Variants in TENM4 observed in about 807,000 individuals in gnomAD.
The protein encoded by TENM4 is teneurin-4.
In TENM4, 82 loss-of-function variants were observed where a neutral mutation model predicts 243.3. The ratio of observed to expected loss-of-function variants is 0.34; its 90% confidence interval spans 0.28 to 0.40. The LOEUF (loss-of-function observed/expected upper bound fraction) is 0.40. Among genes scored for constraint, TENM4 ranks in the 10% least tolerant of loss-of-function variants. The probability of loss-of-function intolerance (pLI) is 1.00; values close to 1 mark genes in which losing one functional copy is unlikely to be tolerated. For synonymous variants in TENM4, 1,412 were observed against 1,456.3 expected (o/e 0.97, Z 0.69); for missense variants, 3,138 against 3,673.3 (o/e 0.85, Z 3.77).
rs556867755 is a variant in TENM4, at chr11:79,294,189, A to G, written c.-265+3299T>C. Reference sequence around the variant, plus strand: ...CATTATCATTACTGACATCATTACTACTACTACTGCTGCTACAATTACAGC... The same window carrying G: ...CATTATCATTACTGACATCATTACTGCTACTACTGCTGCTACAATTACAGC... On this transcript the variant is annotated intron_variant, in intron 2 of 33. Transcript: ENST00000278550. Among the ~76,000 whole-genome samples, 99 of 152,346 alleles carry G rather than the reference A, an allele frequency of 6.5e-4. 3 individuals are homozygous for G. The South Asian group carries it at 0.02, about 31-fold the overall frequency.
chr11:79,008,593 A>G (rs1268187598), intron 6 of TENM4, among the ~76,000 whole-genome samples: 2 of 152,216 alleles, frequency 1.3e-5, no homozygotes, highest in Non-Finnish European at 2.9e-5. Flanking sequence ...GACTCATTTT[A>G]AGTAACTTTA....
intron 1 of TENM4, among the ~76,000 whole-genome samples, chr11:79,433,724 A>G (rs1348661566): frequency 2.0e-5 from 3 of 152,172 alleles, no homozygotes; most frequent in African/African-American, 7.2e-5. Flanking sequence ...TGCTCTGGAG[A>G]TCCCATATGG....
intron 15 of TENM4, among the ~76,000 whole-genome samples, chr11:78,788,801 C>CTGGG (rs1856992525): frequency 6.6e-6 from 1 of 152,206 alleles, no homozygotes; most frequent in Non-Finnish European, 1.5e-5. Flanking sequence ...TTCCTCTCTT[C>CTGGG]TGGGTGTCAG....
At chr11:78,958,555 T>C (rs539575689) in intron 6 of TENM4, among the ~76,000 whole-genome samples, 1 of 152,364 alleles carries the variant, frequency 6.6e-6, no homozygotes, top group African/African-American at 2.4e-5. Flanking sequence ...ACAGGGACAA[T>C]GAGCTGTTCT....
At chr11:79,174,520 C>T (rs1200176347) in intron 3 of TENM4, among the ~76,000 whole-genome samples, 1 of 152,144 alleles carries the variant, frequency 6.6e-6, no homozygotes, top group Non-Finnish European at 1.5e-5. Context: ...CTTCCAGATC[C>T]ACTGCTCTCC....
chr11:78,968,413 T>C (rs2136563102), intron 6 of TENM4, among the ~76,000 whole-genome samples: 1 of 152,320 alleles, frequency 6.6e-6, no homozygotes, highest in East Asian at 1.9e-4. Flanking sequence ...GCCACCTGAG[T>C]AGCTGGGAGC....
At position 79,025,298 on chromosome 11, in the gene TENM4, A is replaced by AATGT. The variant is rs1859047283; in HGVS notation, c.493+39439_493+39440insACAT. On this transcript the variant is annotated intron_variant, in intron 6 of 33. Coordinates refer to ENST00000278550, the MANE Select transcript of TENM4 (RefSeq NM_001098816.3). ...GAATGAATGAATGAATGAATGAATG[A>AATGT]GTGATTCAGTCTGCCAGAAGGGGAC... is the stretch of plus-strand genomic sequence containing the variant. Among the ~76,000 whole-genome samples, 3 of 152,290 alleles carry AATGT rather than the reference A, an allele frequency of 2.0e-5. No individual in the cohort carries two copies. In the South Asian group the frequency reaches 6.2e-4, roughly 32 times the overall value.
chr11:79,079,558 G>A (rs1355569967), intron 4 of TENM4, among the ~76,000 whole-genome samples: 2 of 152,132 alleles, frequency 1.3e-5, no homozygotes, highest in Non-Finnish European at 2.9e-5. Context: ...GGCTGGGCAC[G>A]GTGGCTCACG....
chr11:78,914,907 G>T (rs1168861582), intron 6 of TENM4, among the ~76,000 whole-genome samples: 1 of 152,188 alleles, frequency 6.6e-6, no homozygotes, highest in East Asian at 1.9e-4. Flanking sequence ...CCAGCCTGCC[G>T]GCTCACCCGC....
chr11:79,126,706 C>T (rs1227326705), intron 4 of TENM4, among the ~76,000 whole-genome samples: 1 of 152,156 alleles, frequency 6.6e-6, no homozygotes, highest in Admixed American at 6.5e-5. Flanking sequence ...ATCATGGCCC[C>T]TCAATCAATT....
intron 3 of TENM4, among the ~76,000 whole-genome samples, chr11:79,205,932 G>A (rs1407252003): frequency 6.6e-6 from 1 of 152,256 alleles, no homozygotes; most frequent in Non-Finnish European, 1.5e-5. Context: ...GGGTAGCTCA[G>A]AGTACAGAAC....
chr11:79,245,946 A>G (rs1384834988), intron 2 of TENM4, among the ~76,000 whole-genome samples: 3 of 150,290 alleles, frequency 2.0e-5, no homozygotes, highest in Non-Finnish European at 4.4e-5. Flanking sequence ...TCTAAAAAAA[A>G]AAAAAAAAAA....
At position 78,787,090 on chromosome 11, in the gene TENM4, G is replaced by C; in HGVS notation, c.2180-7C>G. The C allele has an allele frequency of 1.3e-6, 2 of 1,537,834 alleles. No homozygotes were observed. Among genetic ancestry groups the C allele is most frequent in the Non-Finnish European group, 1.8e-6 (2 of 1,137,886 alleles). On this transcript the variant is annotated splice_polypyrimidine_tract_variant and splice_region_variant and intron_variant, in intron 15 of 33. Transcript: ENST00000278550. ...CAGTCGGCAGCACAGATCTCTGTGGGGAGGAGCAGAAGAAGGGAGGACACC... is the reference window on the plus strand; with the variant it reads ...CAGTCGGCAGCACAGATCTCTGTGGCGAGGAGCAGAAGAAGGGAGGACACC...
At chr11:79,377,637 T>C (rs978725647) in intron 1 of TENM4, among the ~76,000 whole-genome samples, 1 of 152,234 alleles carries the variant, frequency 6.6e-6, no homozygotes, top group Non-Finnish European at 1.5e-5. Flanking sequence ...TCTCCCTTTT[T>C]TGTTATGCAA....
intron 6 of TENM4, among the ~76,000 whole-genome samples, chr11:78,971,779 A>G: frequency 6.6e-6 from 1 of 150,942 alleles, no homozygotes; most frequent in Middle Eastern, 3.4e-3. Flanking sequence ...GTAATAGTAA[A>G]AAGTAAAACA....
chr11:79,010,902 G>A (rs939310951), intron 6 of TENM4, among the ~76,000 whole-genome samples: 1 of 152,160 alleles, frequency 6.6e-6, no homozygotes, highest in African/African-American at 2.4e-5. Flanking sequence ...AAGAAGACAG[G>A]CTTTAGAGTC....
At chr11:79,322,358 T>C (rs1565298869) in intron 1 of TENM4, among the ~76,000 whole-genome samples, 5 of 152,218 alleles carry the variant, frequency 3.3e-5, no homozygotes, top group Admixed American at 2.0e-4. Flanking sequence ...ATTAAATTCT[T>C]AATTTTTGAA....
intron 33 of TENM4, among the ~76,000 whole-genome samples, chr11:78,659,383 G>A (rs1465150383): frequency 6.6e-6 from 1 of 152,118 alleles, no homozygotes; most frequent in Non-Finnish European, 1.5e-5. Flanking sequence ...CTAATAACAA[G>A]TCAACCTGCA....
intron 25 of TENM4, among the ~76,000 whole-genome samples, chr11:78,719,395 C>T (rs1859594009): frequency 8.9e-6 from 1 of 112,862 alleles, no homozygotes; most frequent in African/African-American, 6.3e-5. Context: ...ATTATATTTA[C>T]TACTTATAAA....
Sources: gnomAD v4.1 joint callset for allele counts (sites outside exome capture counted in the v4.1 genomes callset) on GRCh38, gnomAD v4.1.1 for gene constraint, MANE v1.5 for transcripts, NCBI Gene and HGNC (gene_info 2026-07-23, HGNC 2026-07-21) for gene names.